The following MAGI3 variants were observed in gnomAD, a reference collection of about 807,000 sequenced individuals.
The protein encoded by MAGI3 is membrane-associated guanylate kinase, WW and PDZ domain-containing protein 3.
Under a neutral mutation model 121.8 loss-of-function variants are expected in MAGI3, and 43 were observed. That is an observed-to-expected ratio of 0.35 (90% CI 0.28 to 0.46). The LOEUF is 0.46. Among genes scored for constraint, MAGI3 ranks in the 20% least tolerant of loss-of-function variants. MAGI3 has a pLI of 1.00. For synonymous variants in MAGI3, 553 were observed against 639.3 expected (o/e 0.86, Z 2.04); for missense variants, 1,547 against 1,797.3 (o/e 0.86, Z 2.52).
At chr1:113,484,739 T>TCCCTTCCCTTCCCTTCCCTC (rs1656292864) in intron 1 of MAGI3, among the ~76,000 whole-genome samples, 1 of 121,302 alleles carries the variant, frequency 8.2e-6, no homozygotes, top group Non-Finnish European at 1.7e-5. Flanking sequence ...TCCCTTCCCT[T>TCCCTTCCCTTCCCTTCCCTC]CCCTTCCACA....
chr1:113,506,648 G>C (rs920611900), intron 1 of MAGI3, among the ~76,000 whole-genome samples: 3 of 152,160 alleles, frequency 2.0e-5, no homozygotes, highest in African/African-American at 7.2e-5. Flanking sequence ...TCAGTAGCTT[G>C]CCACTCACAG....
chr1:113,449,116 C>CAAA (rs111501053), intron 1 of MAGI3, among the ~76,000 whole-genome samples: 1 of 73,352 alleles, frequency 1.4e-5, no homozygotes, highest in Non-Finnish European at 3.1e-5. Flanking sequence ...AACTTCATTT[C>CAAA]AAAAAAAAAA....
At chr1:113,573,225 C>G (rs905430301) in intron 2 of MAGI3, among the ~76,000 whole-genome samples, 2 of 151,988 alleles carry the variant, frequency 1.3e-5, no homozygotes, top group African/African-American at 4.8e-5. Flanking sequence ...GCACCCAGCC[C>G]TGTTCGGCTA....
intron 2 of MAGI3, among the ~76,000 whole-genome samples, chr1:113,568,926 T>A (rs917544615): frequency 6.6e-6 from 1 of 152,090 alleles, no homozygotes; most frequent in Non-Finnish European, 1.5e-5. Context: ...AGGAAAAGAT[T>A]TATACATTTG....
intron 8 of MAGI3, 50 bp from the exon 9 acceptor site, chr1:113,622,756 A>T: frequency 7.1e-7 from 1 of 1,415,204 alleles, no homozygotes; most frequent in South Asian, 1.4e-5. Flanking sequence ...TGAGTGCTAT[A>T]TTCATTGTAA....
chr1:113,434,892 C>T (rs963843646), intron 1 of MAGI3, among the ~76,000 whole-genome samples: 52 of 152,290 alleles, frequency 3.4e-4, no homozygotes, highest in Middle Eastern at 3.4e-3. Context: ...TGCTTTTTAG[C>T]AAGGCCTTGT....
intron 19 of MAGI3, among the ~76,000 whole-genome samples, chr1:113,674,392 A>T (rs1571034595): frequency 1.8e-5 from 1 of 56,774 alleles, no homozygotes; most frequent in Non-Finnish European, 5.2e-5. Flanking sequence ...AACTCCATTT[A>T]AAAAAAAAAA....
intron 19 of MAGI3, among the ~76,000 whole-genome samples, chr1:113,674,572 C>CTT (rs750538476): frequency 6.8e-6 from 1 of 147,092 alleles, no homozygotes; most frequent in Admixed American, 6.8e-5. Flanking sequence ...AGAAAAGGAA[C>CTT]TTTTTTTTTT....
Position 113,683,571 on chromosome 1 carries a change from G to T in MAGI3, c.4003G>T (p.Asp1335Tyr), listed in dbSNP as rs757765777. ...EQIPDGKEKS[D>Y]VIRKDAKQNQ... The stretch of plus-strand genomic sequence containing the variant: ...GATCCCAGATGGGAAGGAAAAATCA[G>T]ACGTCATCAGGAAAGATGCAAAGCA... Residue 1335 changes from aspartate (D) to tyrosine (Y), a missense_variant, in exon 21 of 21, where the codon GAC (aspartate) becomes TAC (tyrosine). Asp to Tyr is a radical substitution (Grantham distance 160, BLOSUM62 -3). Coordinates refer to ENST00000307546, the MANE Select transcript of MAGI3 (RefSeq NM_001142782.2). 1 of 1,613,788 alleles carries T rather than the reference G, an allele frequency of 6.2e-7. No individual in the cohort carries two copies. Among genetic ancestry groups the T allele is most frequent in the African/African-American group, 1.3e-5 (1 of 74,914 alleles).
intron 6 of MAGI3, among the ~76,000 whole-genome samples, chr1:113,606,159 G>A (rs982619954): frequency 6.6e-6 from 1 of 151,802 alleles, no homozygotes; most frequent in African/African-American, 2.4e-5. Context: ...TAGAGATGGG[G>A]TTTCATCATG....
intron 1 of MAGI3, among the ~76,000 whole-genome samples, chr1:113,548,174 AAG>A (rs376167545): frequency 4.1e-4 from 63 of 152,372 alleles, no homozygotes; most frequent in South Asian, 2.5e-3. Context: ...CTCTAAATAA[AAG>A]AGTATACTTT....
intron 1 of MAGI3, among the ~76,000 whole-genome samples, chr1:113,477,216 G>T (rs1655874993): frequency 6.6e-6 from 1 of 152,140 alleles, no homozygotes; most frequent in Non-Finnish European, 1.5e-5. Flanking sequence ...GGGGCATTTA[G>T]CCCATTTACA....
intron 1 of MAGI3, 26 bp from the exon 2 acceptor site, chr1:113,549,489 G>GTTT (rs763944707): frequency 0.046 from 46,833 of 1,024,448 alleles, 641 homozygotes; most frequent in Non-Finnish European, 0.052. Context: ...TTTATTTTCT[G>GTTT]TTTTTTTTTT....
At chr1:113,396,089 A>C (rs1651100003) in intron 1 of MAGI3, among the ~76,000 whole-genome samples, 1 of 152,152 alleles carries the variant, frequency 6.6e-6, no homozygotes. Context: ...TTCTAAATTC[A>C]TTCAAGTGTC....
At chr1:113,485,315 A>T (rs1006483202) in intron 1 of MAGI3, among the ~76,000 whole-genome samples, 2 of 152,166 alleles carry the variant, frequency 1.3e-5, no homozygotes, top group African/African-American at 4.8e-5. Context: ...CCATGCCAAC[A>T]TCTATTATTT....
chr1:113,672,477 G>C, intron 17 of MAGI3, 138 bp from the exon 18 acceptor site: 1 of 815,072 alleles, frequency 1.2e-6, no homozygotes, highest in Non-Finnish European at 1.8e-6. Flanking sequence ...TCTGATTTTA[G>C]ATATAGTCTG....
At chr1:113,650,702 T>C (rs1653112135) in intron 13 of MAGI3, among the ~76,000 whole-genome samples, 1 of 152,130 alleles carries the variant, frequency 6.6e-6, no homozygotes, top group Non-Finnish European at 1.5e-5. Flanking sequence ...ATTTTCTGAG[T>C]TTAGTGTTTT....
intron 8 of MAGI3, 62 bp from the exon 9 acceptor site, chr1:113,622,744 T>G: frequency 7.7e-7 from 1 of 1,296,956 alleles, no homozygotes; most frequent in Non-Finnish European, 1.1e-6. Flanking sequence ...AAAGATTGAC[T>G]CTGAGTGCTA....
chr1:113,391,341 T>C lies in MAGI3; in HGVS notation c.308T>C (p.Val103Ala). The change falls in exon 1 of 21, where the codon GTG (valine) becomes GCG (alanine). Residue 103 changes from valine to alanine, a missense_variant. Transcript: ENST00000307546. This position sits in a 1 kb window ranked among gnomAD's most constrained non-coding sequence, Gnocchi z 4.4. The part of the protein sequence containing the change: ...HFREPIRLKT[V>A]KPGKVINKDL... ...CGCGAGCCCATCCGTCTCAAGACTG[T>C]GAAACCAGGTACGCCGGCCCTGCGT... 6.3e-7 allele frequency: 1 copy of C among 1,594,214 alleles called. No individual in the cohort carries two copies. Among genetic ancestry groups the C allele is most frequent in the Non-Finnish European group, 8.5e-7 (1 of 1,171,172 alleles).
Sources: allele counts gnomAD v4.1 joint callset (sites outside exome capture counted in the v4.1 genomes callset), GRCh38; gene constraint gnomAD v4.1.1; non-coding constraint Gnocchi (gnomAD v3.1); transcripts MANE v1.5; gene names NCBI Gene and HGNC (gene_info 2026-07-23, HGNC 2026-07-21).